LRP2: variants seen among roughly 807,000 people sequenced by gnomAD.
LRP2 encodes low-density lipoprotein receptor-related protein 2.
A neutral mutation model predicts 531.0 loss-of-function variants in LRP2; 172 were observed. That is an observed-to-expected ratio of 0.32 (90% confidence interval 0.29 to 0.37). The LOEUF (loss-of-function observed/expected upper bound fraction) is 0.37, where lower values mean the gene tolerates loss of function less well. Ranked by LOEUF, LRP2 falls within the 10% of genes least tolerant of loss-of-function variation. The probability of loss-of-function intolerance (pLI) is 1.00; values close to 1 mark genes in which losing one functional copy is unlikely to be tolerated. For missense variants in LRP2, 5,167 were observed against 5,868.3 expected (o/e 0.88, Z 3.90); for synonymous variants, 1,992 against 2,027.6 (o/e 0.98, Z 0.47).
chr2:169,356,625 A>C (rs545274043), intron 1 of LRP2, among the ~76,000 whole-genome samples: 1 of 152,366 alleles, frequency 6.6e-6, no homozygotes, highest in South Asian at 2.1e-4. Context: ...AGATCCTCCA[A>C]CTTCAAAATC....
intron 1 of LRP2, among the ~76,000 whole-genome samples, chr2:169,327,837 T>G (rs1574262014): frequency 1.5e-5 from 1 of 65,036 alleles, no homozygotes; most frequent in Non-Finnish European, 2.9e-5. Flanking sequence ...TACTGGGAAG[T>G]GAGGAGCCCC....
intron 14 of LRP2, among the ~76,000 whole-genome samples, chr2:169,274,723 G>A (rs1222248596): frequency 6.6e-6 from 1 of 152,100 alleles, no homozygotes; most frequent in East Asian, 1.9e-4. Flanking sequence ...GTAGAATGAG[G>A]ATAGGTATTT....
intron 16 of LRP2, among the ~76,000 whole-genome samples, chr2:169,260,087 T>C (rs1045234942): frequency 3.3e-5 from 5 of 152,112 alleles, no homozygotes; most frequent in Non-Finnish European, 7.4e-5. Context: ...CTCAATCAAG[T>C]AGGCATTAGT....
chr2:169,203,821 C>T (rs1574129351), intron 42 of LRP2, among the ~76,000 whole-genome samples, 161 bp downstream of exon 42: 1 of 152,280 alleles, frequency 6.6e-6, no homozygotes, highest in East Asian at 1.9e-4. Context: ...AGAAGCCTGC[C>T]AAGTCTTCCT....
chr2:169,216,376 G>T lies in LRP2; in HGVS notation c.5703C>A (p.Ala1901=), dbSNP rs1366266153. 3 of 1,613,664 alleles carry T rather than the reference G, an allele frequency of 1.9e-6. No homozygotes were observed. Among genetic ancestry groups the T allele is most frequent in the Non-Finnish European group, 2.5e-6 (3 of 1,179,694 alleles). The part of the protein sequence containing the change: ...GTDSGVPAKI[A]SANMDGTSVK... ...CAGATGTGCCATCCATGTTAGCACT[G>T]GCGATCTTGGCAGGAACCCCACTGT... Residue 1901 remains alanine, a synonymous_variant, in exon 35 of 79, where the codon GCC becomes GCA. Coordinates refer to ENST00000649046, the MANE Select transcript of LRP2 (RefSeq NM_004525.3).
At chr2:169,269,414 C>A (rs561885812) in intron 16 of LRP2, among the ~76,000 whole-genome samples, 1 of 152,182 alleles carries the variant, frequency 6.6e-6, no homozygotes, top group South Asian at 2.1e-4. Context: ...AGATATAGAC[C>A]AATGGAACAG....
At chr2:169,353,859 T>C (rs1287336909) in intron 1 of LRP2, among the ~76,000 whole-genome samples, 1 of 152,086 alleles carries the variant, frequency 6.6e-6, no homozygotes, top group African/African-American at 2.4e-5. Flanking sequence ...TGAGTGCTGG[T>C]ATGTGTCTGT....
chr2:169,207,194 T>G lies in LRP2; in HGVS notation c.6526A>C (p.Ile2176Leu), dbSNP rs1379420581. 4 of 1,614,048 alleles carry G rather than the reference T, an allele frequency of 2.5e-6. No homozygotes were observed. The highest frequency in any genetic ancestry group is 3.4e-6 in the Non-Finnish European group (4 of 1,179,972). ...VSETLIEVLRINTTYRRVLLK... is the reference protein window; with the variant it reads ...VSETLIEVLRLNTTYRRVLLK... ...AGAACACGGCGGTAAGTAGTATTGA[T>G]CCGCAGAACTTCTATCAGTGTTTCA... Residue 2176 changes from isoleucine to leucine, a missense_variant, in exon 39 of 79, where the codon ATC (isoleucine) becomes CTC (leucine). Transcript: ENST00000649046.
rs1248259907 is a variant in LRP2, at chr2:169,137,533, G to A, written c.13519-40C>T. The A allele has an allele frequency of 2.9e-5, 34 of 1,159,538 alleles. No individual in the cohort carries two copies. In the Admixed American group the frequency reaches 5.4e-4, roughly 18 times the overall value. 71.8% of individuals were successfully genotyped at this position (1,159,538 alleles called of 1,614,324 possible). ...AGAAAGAGAGAGAGAGAGAGAGAGAGAAACAGAGAGAGAGATTACACCATA... is the reference window on the plus strand; with the variant it reads ...AGAAAGAGAGAGAGAGAGAGAGAGAAAAACAGAGAGAGAGATTACACCATA... On this transcript the variant is annotated intron_variant, in intron 75 of 78. Transcript: ENST00000649046.
At chr2:169,156,606 T>C (rs1278989942) in intron 64 of LRP2, among the ~76,000 whole-genome samples, 1 of 152,204 alleles carries the variant, frequency 6.6e-6, no homozygotes, top group African/African-American at 2.4e-5. Context: ...TCGTTTAGTC[T>C]TGCCAAAAGA....
chr2:169,238,729 C>T (rs1267992915), intron 26 of LRP2, among the ~76,000 whole-genome samples: 1 of 152,062 alleles, frequency 6.6e-6, no homozygotes, highest in Non-Finnish European at 1.5e-5. Context: ...CTAATTCTCC[C>T]AACACCCCCT....
intron 3 of LRP2, among the ~76,000 whole-genome samples, chr2:169,314,380 G>GCCACTGCA (rs2105506327): frequency 6.6e-6 from 1 of 151,504 alleles, no homozygotes. Flanking sequence ...CTATAATCAT[G>GCCACTGCA]CCACTGCACT....
At chr2:169,212,619 A>G (rs1688633737) in intron 36 of LRP2, among the ~76,000 whole-genome samples, 1 of 152,174 alleles carries the variant, frequency 6.6e-6, no homozygotes, top group African/African-American at 2.4e-5. Context: ...TGGCATTCCC[A>G]GTGACTTGGA....
chr2:169,360,849 G>T (rs1264994336), intron 1 of LRP2, among the ~76,000 whole-genome samples: 1 of 152,172 alleles, frequency 6.6e-6, no homozygotes, highest in Non-Finnish European at 1.5e-5. Flanking sequence ...GCTGCTAGGA[G>T]TTGCTGTATA....
rs1399024312 is a variant in LRP2, at chr2:169,169,741, A to G, written c.11458T>C (p.Ser3820Pro). The change falls in exon 60 of 79, where the codon TCC (serine) becomes CCC (proline). Residue 3820 changes from serine to proline, a missense_variant. Ser to Pro is a moderately conservative substitution (Grantham distance 74, BLOSUM62 -1). Coordinates refer to ENST00000649046, the MANE Select transcript of LRP2 (RefSeq NM_004525.3). ...CVHSELKCDG[S>P]ADCLDASDEA... Reference sequence around the variant, plus strand: ...TCAGACGCATCCAAACAGTCAGCGGATCCATCGCATTTCAGTTCACTGTGT... The same window carrying G: ...TCAGACGCATCCAAACAGTCAGCGGGTCCATCGCATTTCAGTTCACTGTGT... The G allele has an allele frequency of 1.2e-6, 2 of 1,614,186 alleles. No homozygotes were observed. Among genetic ancestry groups the G allele is most frequent in the South Asian group, 1.1e-5 (1 of 91,084 alleles).
chr2:169,226,683 C>T (rs928626482), intron 31 of LRP2, 95 bp from the exon 32 acceptor site: 37 of 886,870 alleles, frequency 4.2e-5, no homozygotes, highest in Non-Finnish European at 6.7e-5. Flanking sequence ...ATCATATGGG[C>T]TAAAATGACA....
chr2:169,228,638 C>G (rs934848915), intron 31 of LRP2, among the ~76,000 whole-genome samples: 1 of 152,270 alleles, frequency 6.6e-6, no homozygotes, highest in East Asian at 1.9e-4. Context: ...TAAGCACCAC[C>G]CGCTTCTACT....
Position 169,243,509 on chromosome 2 carries a change from T to A in LRP2, c.3444A>T (p.Thr1148=), listed in dbSNP as rs147495264. The change falls in exon 23 of 79, where the codon ACA becomes ACT. Residue 1148 remains threonine (T), a synonymous_variant. Coordinates refer to ENST00000649046, the MANE Select transcript of LRP2 (RefSeq NM_004525.3). ...GGCAATTAAACTGACTAGGTTGGCA[T>A]GTCTCTGTCGAATCTAATGTCATCC... ...SDEKNCNSTE[T]CQPSQFNCPN... is the part of the protein sequence containing the mutation. 6.2e-7 allele frequency: 1 copy of A among 1,614,192 alleles called. No individual in the cohort carries two copies. Among genetic ancestry groups the A allele is most frequent in the Non-Finnish European group, 8.5e-7 (1 of 1,180,004 alleles).
chr2:169,294,304 A>T, intron 5 of LRP2, 43 bp from the exon 6 acceptor site: 1 of 1,149,382 alleles, frequency 8.7e-7, no homozygotes, highest in Non-Finnish European at 1.3e-6. Flanking sequence ...AGAGAAGTTA[A>T]CTCCATTGTA....
Sources: allele counts gnomAD v4.1 joint callset (sites outside exome capture counted in the v4.1 genomes callset), GRCh38; gene constraint gnomAD v4.1.1; transcripts MANE v1.5; gene names NCBI Gene and HGNC (gene_info 2026-07-23, HGNC 2026-07-21).